The following CTTNBP2 variants were observed in gnomAD, a reference collection of about 807,000 sequenced individuals.
CTTNBP2 encodes the protein cortactin binding protein 2, also known as cortactin-binding protein 2.
A neutral mutation model predicts 156.9 loss-of-function variants in CTTNBP2; 108 were observed. The observed-to-expected ratio is 0.69, with a 90% CI of 0.59 to 0.81. The LOEUF is 0.81. Ranked by LOEUF, CTTNBP2 falls within the 30% of genes least tolerant of loss-of-function variation. The pLI is 0.00. For synonymous variants in CTTNBP2, 767 were observed against 751.8 expected, an observed-to-expected ratio of 1.02 and a Z score of -0.33; for missense variants, 1,924 against 2,035.4, an observed-to-expected ratio of 0.95 and a Z score of 1.05.
chr7:117,861,573 T>C (rs1584574080), intron 1 of CTTNBP2, among the ~76,000 whole-genome samples: 1 of 151,982 alleles, frequency 6.6e-6, no homozygotes, highest in East Asian at 1.9e-4. Context: ...TCAAAATCTC[T>C]CCAAATTACA....
At chr7:117,831,366 C>A (rs1403104636) in intron 2 of CTTNBP2, among the ~76,000 whole-genome samples, 1 of 151,854 alleles carries the variant, frequency 6.6e-6, no homozygotes, top group African/African-American at 2.4e-5. Context: ...CTTAACATTT[C>A]TCCAGATGAT....
Position 117,727,696 on chromosome 7 carries a change from G to A in CTTNBP2, c.4055+393C>T, listed in dbSNP as rs563617019. Among the ~76,000 whole-genome samples the A allele has an allele frequency of 3.3e-5, 5 of 152,222 alleles. No individual in the cohort carries two copies. In the South Asian group the frequency reaches 1.0e-3, roughly 32 times the overall value. On this transcript the variant is annotated intron_variant, in intron 17 of 22. Coordinates refer to ENST00000160373, the MANE Select transcript of CTTNBP2 (RefSeq NM_033427.3). Reference sequence around the variant, plus strand: ...GTCTGTTCTCATAAGATGCTTCAAAGGAAAACAGTAAGTACTGAACATATG... The same window carrying A: ...GTCTGTTCTCATAAGATGCTTCAAAAGAAAACAGTAAGTACTGAACATATG...
Position 117,756,604 on chromosome 7 carries a change from G to C in CTTNBP2, c.3299C>G (p.Thr1100Ser). The part of the protein sequence containing the change: ...GPQEGCLSSV[T>S]YASMIPLQMM... Reference sequence around the variant, plus strand: ...CTGGAGAGGGATCATGGAGGCATAAGTCACACTACTGAGACAGCCTTCTTG... The same window carrying C: ...CTGGAGAGGGATCATGGAGGCATAACTCACACTACTGAGACAGCCTTCTTG... Residue 1100 changes from threonine to serine, a missense_variant, in exon 12 of 23, where the codon ACT (threonine) becomes AGT (serine). Thr to Ser is a moderately conservative substitution (Grantham distance 58). Coordinates refer to ENST00000160373, the MANE Select transcript of CTTNBP2 (RefSeq NM_033427.3). 6.2e-7 allele frequency: 1 copy of C among 1,613,698 alleles called. No individual in the cohort carries two copies. Among genetic ancestry groups the C allele is most frequent in the Non-Finnish European group, 8.5e-7 (1 of 1,179,638 alleles).
In CTTNBP2 at chr7:117,732,048, C is replaced by T. The variant is rs572658458; in HGVS notation, c.3876+2865G>A. ...AATATTTCATATTCTGGGTAAGTGA[C>T]GAGATGCTGTATCTGGATTTGTAGT... On this transcript the variant is annotated intron_variant, in intron 16 of 22. Transcript: ENST00000160373. Among the ~76,000 whole-genome samples, 10 of 152,100 alleles carry T rather than the reference C, an allele frequency of 6.6e-5. No homozygotes were observed. The East Asian group carries it at 1.4e-3, about 21-fold the overall frequency.
chr7:117,716,079 A>T (rs980778483), intron 22 of CTTNBP2: 2 of 152,060 alleles, frequency 1.3e-5, no homozygotes, highest in Admixed American at 1.3e-4. Context: ...GGGAGAGAAG[A>T]CTAGGAGGCA....
intron 2 of CTTNBP2, among the ~76,000 whole-genome samples, chr7:117,856,733 A>G (rs1584562341): frequency 6.6e-6 from 1 of 152,246 alleles, no homozygotes; most frequent in African/African-American, 2.4e-5. Context: ...GATAATTGCC[A>G]AAGGAATTCA....
chr7:117,745,751 C>T, intron 14 of CTTNBP2, 80 bp downstream of exon 14: 1 of 919,156 alleles, frequency 1.1e-6, no homozygotes. Context: ...CCCCAAGCAA[C>T]ACAGTGTATT....
intron 3 of CTTNBP2, among the ~76,000 whole-genome samples, chr7:117,809,422 A>G (rs1800136117): frequency 6.6e-6 from 1 of 152,218 alleles, no homozygotes; most frequent in African/African-American, 2.4e-5. Flanking sequence ...TACAGGCATA[A>G]TTGAAATGTA....
At chr7:117,853,756 C>G (rs141268818) in intron 2 of CTTNBP2, among the ~76,000 whole-genome samples, 1 of 152,112 alleles carries the variant, frequency 6.6e-6, no homozygotes, top group Non-Finnish European at 1.5e-5. Context: ...TGCGAAAAGC[C>G]TCATCTTTAG....
At chr7:117,767,336 C>T (rs1019464667) in intron 8 of CTTNBP2, 160 bp from the exon 9 acceptor site, 3 of 583,544 alleles carry the variant, frequency 5.1e-6, no homozygotes, top group Non-Finnish European at 9.2e-6. Context: ...TAATCTTAAA[C>T]TAAACAATGT....
intron 7 of CTTNBP2, among the ~76,000 whole-genome samples, chr7:117,779,566 T>G (rs951295757): frequency 7.2e-5 from 11 of 152,024 alleles, no homozygotes; most frequent in Admixed American, 7.2e-4. Flanking sequence ...AATTTTATAC[T>G]GAATGTGTGT....
At chr7:117,757,044 G>A (rs757413468) in intron 11 of CTTNBP2, among the ~76,000 whole-genome samples, 6 of 152,136 alleles carry the variant, frequency 3.9e-5, no homozygotes, top group African/African-American at 1.2e-4. Flanking sequence ...CTTGGCCACC[G>A]TTAGGTCCAC....
intron 9 of CTTNBP2, among the ~76,000 whole-genome samples, chr7:117,762,406 GTCAGACTGAACACCTTGAATTA>G (rs1215387342): frequency 2.0e-5 from 3 of 152,144 alleles, no homozygotes; most frequent in African/African-American, 2.4e-5. Context: ...GTGCCAGTTG[GTCAGACTGAACACCTTGAATTA>G]TCAGACTGAA....
intron 12 of CTTNBP2, among the ~76,000 whole-genome samples, chr7:117,750,435 T>C (rs565614354): frequency 6.6e-6 from 1 of 152,302 alleles, no homozygotes; most frequent in African/African-American, 2.4e-5. Context: ...AAAGCAGAAA[T>C]ATAAATAAAT....
intron 8 of CTTNBP2, among the ~76,000 whole-genome samples, chr7:117,774,423 G>A (rs1424269619): frequency 6.6e-6 from 1 of 152,176 alleles, no homozygotes; most frequent in East Asian, 1.9e-4. Context: ...TCCATGGCCT[G>A]TTAGGAACCA....
intron 2 of CTTNBP2, among the ~76,000 whole-genome samples, chr7:117,825,409 A>C (rs188629107): frequency 1.1e-3 from 161 of 152,280 alleles, no homozygotes; most frequent in African/African-American, 3.1e-3. Flanking sequence ...TTCAATCAGC[A>C]ACTCCTACCT....
At chr7:117,806,120 A>G (rs527543913) in intron 3 of CTTNBP2, among the ~76,000 whole-genome samples, 29 of 152,202 alleles carry the variant, frequency 1.9e-4, no homozygotes, top group Non-Finnish European at 3.8e-4. Flanking sequence ...TGGAGCAGTA[A>G]CACCAAACTC....
At chr7:117,823,140 C>A (rs6466625) in intron 2 of CTTNBP2, among the ~76,000 whole-genome samples, 110,479 of 152,074 alleles carry the variant, frequency 0.73, 41,237 homozygotes, top group African/African-American at 0.91. Flanking sequence ...TTTATAATTC[C>A]CCAATGTAAA....
chr7:117,712,168 T>C (rs187659322), intron 22 of CTTNBP2, among the ~76,000 whole-genome samples: 2 of 152,336 alleles, frequency 1.3e-5, no homozygotes, highest in Admixed American at 1.3e-4. Flanking sequence ...TGCTTTCTAC[T>C]TTCAAGTCTT....
Sources: allele counts gnomAD v4.1 joint callset (sites outside exome capture counted in the v4.1 genomes callset), GRCh38; gene constraint gnomAD v4.1.1; transcripts MANE v1.5; gene names NCBI Gene and HGNC (gene_info 2026-07-23, HGNC 2026-07-21).